The following UBE2D1 variants were observed in gnomAD, a reference collection of about 807,000 sequenced individuals.
UBE2D1 encodes ubiquitin-conjugating enzyme E2 D1.
UBE2D1 carries 9 observed loss-of-function variants against 24.6 expected under a neutral mutation model. That is an observed-to-expected ratio of 0.37 (90% CI 0.22 to 0.64). UBE2D1 has a LOEUF of 0.64. Ranked by LOEUF, UBE2D1 falls within the 30% of genes least tolerant of loss-of-function variation. The probability of loss-of-function intolerance (pLI) is 0.64; values close to 1 mark genes in which losing one functional copy is unlikely to be tolerated. For synonymous variants in UBE2D1, 57 were observed against 57.6 expected, an observed-to-expected ratio of 0.99 and a Z score of 0.04; for missense variants, 87 against 177.1, an observed-to-expected ratio of 0.49 and a Z score of 2.89.
intron 1 of UBE2D1, among the ~76,000 whole-genome samples, chr10:58,352,574 C>A (rs1169048597): frequency 6.6e-6 from 1 of 151,910 alleles, no homozygotes; most frequent in Non-Finnish European, 1.5e-5. Context: ...CATAAGGAGA[C>A]CCCCATCTCT....
In UBE2D1 at chr10:58,336,864, C is replaced by T. The variant is rs543753039; in HGVS notation, c.24+1639C>T. On this transcript the variant is annotated intron_variant, in intron 1 of 6. Transcript: ENST00000373910. ...GTGTTTTTTTAAGAGATGGGGATCT[C>T]ACTATATTGCCCATGCTGATCTTGA... 2.1e-4 allele frequency among the ~76,000 whole-genome samples: 32 copies of T among 152,244 alleles called. No individual in the cohort carries two copies. The South Asian group carries it at 6.4e-3, about 31-fold the overall frequency.
In UBE2D1 at chr10:58,361,335, C is replaced by CAGG; in HGVS notation, c.25-1_26dup. On this transcript the variant is annotated splice_region_variant and splice_polypyrimidine_tract_variant and intron_variant, in intron 1 of 6. Coordinates refer to ENST00000373910, the MANE Select transcript of UBE2D1 (RefSeq NM_003338.5). ...AACCTTACATATTTTTGATTTCCTT[C>CAGG]AGGAATTGAGTGATCTACAGCGCGA... 1 of 1,614,108 alleles carries CAGG rather than the reference C, an allele frequency of 6.2e-7. No individual in the cohort carries two copies. The highest frequency in any genetic ancestry group is 8.5e-7 in the Non-Finnish European group (1 of 1,179,990).
intron 1 of UBE2D1, among the ~76,000 whole-genome samples, chr10:58,339,799 T>C (rs1839944194): frequency 6.6e-6 from 1 of 151,906 alleles, no homozygotes; most frequent in African/African-American, 2.4e-5. Context: ...ATTTAATACC[T>C]TCTCATGCCC....
chr10:58,355,283 T>C (rs750927853), intron 1 of UBE2D1, among the ~76,000 whole-genome samples: 2 of 152,176 alleles, frequency 1.3e-5, no homozygotes, highest in Non-Finnish European at 2.9e-5. Flanking sequence ...GACTAGATAA[T>C]GAAAAGATGT....
intron 4 of UBE2D1, 62 bp downstream of exon 4, chr10:58,363,748 C>G: frequency 8.0e-7 from 1 of 1,253,292 alleles, no homozygotes; most frequent in Admixed American, 2.0e-5. Flanking sequence ...TTATCTAGAG[C>G]TCATTTGATT....
At chr10:58,342,821 T>C (rs936486529) in intron 1 of UBE2D1, among the ~76,000 whole-genome samples, 1 of 150,326 alleles carries the variant, frequency 6.7e-6, no homozygotes. Context: ...TTGTTTTTTT[T>C]GGTTTTTTTT....
chr10:58,361,662 A>G, intron 3 of UBE2D1, 136 bp downstream of exon 3: 1 of 1,166,962 alleles, frequency 8.6e-7, no homozygotes, highest in Non-Finnish European at 1.2e-6. Context: ...AAATATTATT[A>G]AGGATTTACA....
At chr10:58,366,343 A>G (rs1241873657) in intron 5 of UBE2D1, among the ~76,000 whole-genome samples, 1 of 152,134 alleles carries the variant, frequency 6.6e-6, no homozygotes, top group Non-Finnish European at 1.5e-5. Flanking sequence ...TTATAGTGTT[A>G]CCATACAGGG....
chr10:58,363,749 T>C, intron 4 of UBE2D1, 63 bp downstream of exon 4: 1 of 1,239,486 alleles, frequency 8.1e-7, no homozygotes, highest in South Asian at 1.3e-5. Flanking sequence ...TATCTAGAGC[T>C]CATTTGATTA....
In UBE2D1 at chr10:58,358,985, A is replaced by G. The variant is rs1178478738; in HGVS notation, c.25-2353A>G. Among the ~76,000 whole-genome samples, 11 of 149,336 alleles carry G rather than the reference A, an allele frequency of 7.4e-5. 1 individual carries two copies. The highest frequency in any genetic ancestry group is 6.8e-3 in the Middle Eastern group (2 of 294). On this transcript the variant is annotated intron_variant, in intron 1 of 6. Transcript: ENST00000373910. ...CAGCTAACCCTGTTAGTTAATTCTT[A>G]CTAGGAAGAGAAACCGCACCAGCTA...
At chr10:58,337,140 T>TA (rs11284386) in intron 1 of UBE2D1, among the ~76,000 whole-genome samples, 6 of 150,734 alleles carry the variant, frequency 4.0e-5, no homozygotes, top group Admixed American at 2.0e-4. Context: ...AATTGTTGAG[T>TA]AAAAAAAAAA....
Position 58,335,104 on chromosome 10 carries a change from C to A in UBE2D1, c.-98C>A. The A allele has an allele frequency of 7.3e-7, 1 of 1,362,296 alleles. No homozygotes were observed. The highest frequency in any genetic ancestry group is 1.0e-6 in the Non-Finnish European group (1 of 996,900). 84.4% of individuals were successfully genotyped at this position (1,362,296 alleles called of 1,614,324 possible). On this transcript the variant is annotated 5_prime_UTR_variant, in exon 1 of 7. Coordinates refer to ENST00000373910, the MANE Select transcript of UBE2D1 (RefSeq NM_003338.5). ...TAACCGGGGACCCACCGCGCGGAGCCAGCCTAGCTGCCAGCGAGCCCAACC... is the reference window on the plus strand; with the variant it reads ...TAACCGGGGACCCACCGCGCGGAGCAAGCCTAGCTGCCAGCGAGCCCAACC...
intron 1 of UBE2D1, among the ~76,000 whole-genome samples, chr10:58,345,309 A>T (rs571971140): frequency 3.2e-4 from 48 of 150,848 alleles, no homozygotes; most frequent in Middle Eastern, 3.4e-3. Flanking sequence ...CATTTATTTT[A>T]AAAAAAAAAT....
chr10:58,335,382 A>AC (rs1839891162), intron 1 of UBE2D1, among the ~76,000 whole-genome samples, 157 bp downstream of exon 1: 1 of 152,156 alleles, frequency 6.6e-6, no homozygotes, highest in African/African-American at 2.4e-5. Context: ...GCCAGCGGGC[A>AC]TCGGACAGGT....
rs76395340 is a variant in UBE2D1 at position 58,343,190 on chromosome 10, C to T, written c.24+7965C>T. 4.6e-3 allele frequency among the ~76,000 whole-genome samples: 699 copies of T among 152,158 alleles called. 3 individuals are homozygous for T. Among genetic ancestry groups the T allele is most frequent in the Non-Finnish European group, 8.2e-3 (560 of 68,004 alleles). Reference sequence around the variant, plus strand: ...TTGTAGACTTCATTTTGGTATTTTCCAGTTGGTATCTATTGACTGTAGGTT... The same window carrying T: ...TTGTAGACTTCATTTTGGTATTTTCTAGTTGGTATCTATTGACTGTAGGTT... On this transcript the variant is annotated intron_variant, in intron 1 of 6. Transcript: ENST00000373910.
intron 1 of UBE2D1, among the ~76,000 whole-genome samples, chr10:58,347,407 C>A (rs10733980): frequency 0.53 from 80,081 of 151,948 alleles, 22,081 homozygotes; most frequent in African/African-American, 0.71. Context: ...TGTCTAAAAT[C>A]GATTTTTATT....
chr10:58,347,007 A>C, intron 1 of UBE2D1, among the ~76,000 whole-genome samples: 1 of 152,196 alleles, frequency 6.6e-6, no homozygotes, highest in East Asian at 1.9e-4. Flanking sequence ...CAAGTATCAC[A>C]GGCTCCCTGG....
At chr10:58,368,104 A>T in intron 6 of UBE2D1, 88 bp downstream of exon 6, 1 of 944,862 alleles carries the variant, frequency 1.1e-6, no homozygotes, top group Non-Finnish European at 1.6e-6. Context: ...TTTTAAGTCA[A>T]TTTGATTATG....
chr10:58,341,029 C>G (rs1377560991), intron 1 of UBE2D1, among the ~76,000 whole-genome samples: 1 of 152,156 alleles, frequency 6.6e-6, no homozygotes, highest in Non-Finnish European at 1.5e-5. Flanking sequence ...GATTGTGCTT[C>G]GCAAATCTCT....
Sources: gnomAD v4.1 joint callset for allele counts (sites outside exome capture counted in the v4.1 genomes callset) on GRCh38, gnomAD v4.1.1 for gene constraint, MANE v1.5 for transcripts, NCBI Gene and HGNC (gene_info 2026-07-23, HGNC 2026-07-21) for gene names.